Variants in SUN3 observed in about 807,000 individuals in gnomAD.
SUN3 encodes the protein Sad1 and UNC84 domain containing 3, also known as SUN domain-containing protein 3.
Under a neutral mutation model 48.2 loss-of-function variants are expected in SUN3, and 36 were observed. That is an observed-to-expected ratio of 0.75 (90% CI 0.57 to 0.99). The LOEUF is 0.99. SUN3 is among the 50% of genes least tolerant of loss of function. The pLI is 0.00. For synonymous variants in SUN3, 148 were observed against 147.9 expected (o/e 1.00, Z 0.00); for missense variants, 419 against 433.1 (o/e 0.97, Z 0.29).
chr7:48,029,450 A>G (rs1304428041), upstream of SUN3, among the ~76,000 whole-genome samples: 1 of 152,236 alleles, frequency 6.6e-6, no homozygotes, highest in African/African-American at 2.4e-5. Flanking sequence ...ATACTTTACT[A>G]TGTAAATCTG....
At chr7:47,994,526 A>C in intron 7 of SUN3, 44 bp from the exon 8 acceptor site, 1 of 1,546,328 alleles carries the variant, frequency 6.5e-7, no homozygotes, top group South Asian at 1.2e-5. Context: ...AGTTATGTGA[A>C]TCCATTCCCA....
At chr7:48,026,415 A>G (rs1291552488) in intron 1 of SUN3, among the ~76,000 whole-genome samples, 1 of 152,026 alleles carries the variant, frequency 6.6e-6, no homozygotes, top group Non-Finnish European at 1.5e-5. Context: ...CTTTTTTCCT[A>G]CTCTGTGTTG....
intron 3 of SUN3, among the ~76,000 whole-genome samples, chr7:48,012,080 G>A (rs965207602): frequency 6.6e-5 from 10 of 152,168 alleles, no homozygotes; most frequent in African/African-American, 2.2e-4. Flanking sequence ...CAATGAGATG[G>A]GGGTTCAGTG....
chr7:47,996,739 C>T (rs1391397803), intron 6 of SUN3, among the ~76,000 whole-genome samples: 1 of 151,692 alleles, frequency 6.6e-6, no homozygotes, highest in Admixed American at 6.6e-5. Context: ...GCATAACACA[C>T]CACAACACTA....
upstream of SUN3, among the ~76,000 whole-genome samples, chr7:48,031,791 C>T (rs1166485339): frequency 6.6e-6 from 1 of 150,844 alleles, no homozygotes; most frequent in African/African-American, 2.4e-5. Flanking sequence ...GATATAAAAA[C>T]AACCCAAGTG....
Position 47,988,842 on chromosome 7 carries a change from T to A in SUN3, c.900A>T (p.Leu300=), listed in dbSNP as rs1562595989. 1.2e-6 allele frequency: 2 copies of A among 1,607,046 alleles called. No homozygotes were observed. Among genetic ancestry groups the A allele is most frequent in the South Asian group, 2.2e-5 (2 of 90,294 alleles). ...CTGTTTTGTTATATATAAACTGACC[T>A]AGGAAAATTTCTTCTCCTTCACATT... The part of the protein sequence containing the change: ...TKKCEGEEIF[L]GQFIYNKTGT... The change falls in exon 9 of 10, where the codon CTA becomes CTT. Residue 300 remains leucine (L), a synonymous_variant. Coordinates refer to ENST00000297325, the MANE Select transcript of SUN3 (RefSeq NM_001030019.2).
intron 8 of SUN3, 192 bp from the exon 9 acceptor site, chr7:47,989,072 TGACTAAAAGGATAGA>T: frequency 2.4e-6 from 1 of 409,748 alleles, no homozygotes; most frequent in South Asian, 7.0e-5. Flanking sequence ...ATCACGGGAC[TGACTAAAAGGATAGA>T]AGATGGATGG....
Position 48,005,974 on chromosome 7 carries a change from G to A in SUN3, c.572C>T (p.Ser191Leu), listed in dbSNP as rs769783323. 35 of 1,606,874 alleles carry A rather than the reference G, an allele frequency of 2.2e-5. No individual in the cohort carries two copies. Among genetic ancestry groups the A allele is most frequent in the Non-Finnish European group, 2.7e-5 (32 of 1,177,070 alleles). The change falls in exon 6 of 10, where the codon TCG (serine) becomes TTG (leucine). Residue 191 changes from serine (S) to leucine (L), a missense_variant. Ser to Leu is a moderately radical substitution (Grantham distance 145, BLOSUM62 -2). Transcript: ENST00000297325. ...QVEMADYALK[S>L]AGASIIEAGT... ...TTCACTTTTTCTGTACTCACCGGCC[G>A]ACTTCAGGGCATAATCAGCCATCTC...
chr7:48,022,950 G>C (rs1383812765), intron 2 of SUN3, among the ~76,000 whole-genome samples: 1 of 152,016 alleles, frequency 6.6e-6, no homozygotes, highest in Non-Finnish European at 1.5e-5. Flanking sequence ...CATATTCTAA[G>C]ATAAAGAAAA....
At chr7:48,028,743 G>A in intron 1 of SUN3, 74 bp downstream of exon 1, 1 of 1,566,502 alleles carries the variant, frequency 6.4e-7, no homozygotes, top group Non-Finnish European at 8.7e-7. Flanking sequence ...GGTAACAGAT[G>A]AACAGACACA....
At chr7:48,024,286 T>C (rs1359405951) in intron 2 of SUN3, among the ~76,000 whole-genome samples, 3 of 152,142 alleles carry the variant, frequency 2.0e-5, no homozygotes, top group Non-Finnish European at 2.9e-5. Flanking sequence ...ATTTGGTATC[T>C]AGAATATATT....
chr7:48,024,058 T>C (rs75210009), intron 2 of SUN3, among the ~76,000 whole-genome samples: 2,768 of 152,264 alleles, frequency 0.018, 85 homozygotes, highest in African/African-American at 0.064. Flanking sequence ...TTGGATCCCT[T>C]GCATCATATA....
chr7:48,033,914 C>T (rs10245073), upstream of SUN3, among the ~76,000 whole-genome samples: 53,543 of 152,044 alleles, frequency 0.35, 10,105 homozygotes, highest in Middle Eastern at 0.53. Context: ...ATTAGCCAGG[C>T]GTGGTAGCAC....
intron 3 of SUN3, among the ~76,000 whole-genome samples, chr7:48,016,099 C>A (rs1409457237): frequency 1.3e-5 from 2 of 152,000 alleles, no homozygotes; most frequent in Admixed American, 6.6e-5. Context: ...TTTTGCAGAC[C>A]CTGCACTAGA....
intron 6 of SUN3, among the ~76,000 whole-genome samples, chr7:48,004,881 C>T (rs1915960): frequency 0.33 from 50,804 of 152,148 alleles, 9,480 homozygotes; most frequent in Middle Eastern, 0.53. Flanking sequence ...AGCCCACTCA[C>T]GTAGTTGCTT....
At position 48,010,858 on chromosome 7, in the gene SUN3, G is replaced by A. The variant is rs186276509; in HGVS notation, c.289-1783C>T. Among the ~76,000 whole-genome samples, 16 of 152,286 alleles carry A rather than the reference G, an allele frequency of 1.1e-4. No individual in the cohort carries two copies. In the East Asian group the frequency reaches 2.5e-3, roughly 24 times the overall value. ...TGGAGGTCAAAAGTGTAAGGTCAAC[G>A]TGTCCACATGTTTACACTCCTCTGA... On this transcript the variant is annotated intron_variant, in intron 3 of 9. Coordinates refer to ENST00000297325, the MANE Select transcript of SUN3 (RefSeq NM_001030019.2).
At chr7:48,035,571 G>C in the SUN3 span, 2 of 697,708 alleles carry the variant, frequency 2.9e-6, no homozygotes, top group East Asian at 2.7e-5. The surrounding 1 kb of genome is among the most constrained non-coding windows in gnomAD (Gnocchi z 4.0). Flanking sequence ...CCAGCCAGCC[G>C]TGTAAAAACT....
At chr7:48,011,970 T>C (rs1459006907) in intron 3 of SUN3, among the ~76,000 whole-genome samples, 1 of 152,212 alleles carries the variant, frequency 6.6e-6, no homozygotes, top group African/African-American at 2.4e-5. Context: ...GGCAGGCCAA[T>C]GGCCAAAATT....
upstream of SUN3, among the ~76,000 whole-genome samples, chr7:48,030,080 T>C (rs1790234953): frequency 2.6e-5 from 4 of 152,204 alleles, no homozygotes; most frequent in South Asian, 8.3e-4. Flanking sequence ...AAATATTGCT[T>C]CTCTGCCACT....
Sources: gnomAD v4.1 joint callset for allele counts (sites outside exome capture counted in the v4.1 genomes callset) on GRCh38, gnomAD v4.1.1 for gene constraint, Gnocchi (gnomAD v3.1) non-coding constraint, MANE v1.5 for transcripts, NCBI Gene and HGNC (gene_info 2026-07-23, HGNC 2026-07-21) for gene names.